Variants in TUBB4A observed in about 807,000 individuals in gnomAD.
The protein encoded by TUBB4A is tubulin beta-4A chain.
In TUBB4A, 13 loss-of-function variants were observed where a neutral mutation model predicts 35.1. The observed-to-expected ratio is 0.37, with a 90% CI of 0.24 to 0.59. TUBB4A has a LOEUF of 0.59. Ranked by LOEUF, TUBB4A falls within the 20% of genes least tolerant of loss-of-function variation. TUBB4A has a pLI of 0.71. For synonymous variants in TUBB4A, 279 were observed against 272.4 expected (o/e 1.02, Z -0.24); for missense variants, 299 against 647.2 (o/e 0.46, Z 5.84).
At position 6,495,549 on chromosome 19, in the gene TUBB4A, A is replaced by C. The variant is rs1191733392; in HGVS notation, c.950T>G (p.Phe317Cys). Residue 317 changes from phenylalanine to cysteine, a missense_variant, in exon 4 of 4, where the codon TTC (phenylalanine) becomes TGC (cysteine). By Grantham distance (205) the Phe-to-Cys change is radical. This residue lies in a region of TUBB4A where 125 missense variants were observed against 279.1 expected (regional missense o/e 0.45). Transcript: ENST00000264071. This position sits in a 1 kb window ranked among gnomAD's most constrained non-coding sequence, Gnocchi z 8.7. ...CTCCTTCATGGACATGCGGCCCCGG[A>C]ACACGGCGGCCACGGTCAGGTAGCG... ...HGRYLTVAAV[F>C]RGRMSMKEVD... is the part of the protein sequence containing the mutation. The C allele has an allele frequency of 1.2e-6, 2 of 1,613,970 alleles. No homozygotes were observed. The highest frequency in any genetic ancestry group is 1.7e-6 in the Non-Finnish European group (2 of 1,179,998).
chr19:6,501,830 G>A lies in TUBB4A; in HGVS notation c.58-207C>T. On this transcript the variant is annotated intron_variant, in intron 1 of 3. Coordinates refer to ENST00000264071, the MANE Select transcript of TUBB4A (RefSeq NM_006087.4). The surrounding 1 kb of genome is among the most constrained non-coding windows in gnomAD (Gnocchi z 4.2). ...TGCAGCCGAGTCAGCACCCAGCGGGGCCGGCTGGTGCCAGCGCACCCAGGC... is the reference window on the plus strand; with the variant it reads ...TGCAGCCGAGTCAGCACCCAGCGGGACCGGCTGGTGCCAGCGCACCCAGGC... 1 of 592,202 alleles carries A rather than the reference G, an allele frequency of 1.7e-6. No homozygotes were observed. The highest frequency in any genetic ancestry group is 3.0e-6 in the Non-Finnish European group (1 of 336,438). 36.7% of individuals were successfully genotyped at this position (592,202 alleles called of 1,614,324 possible).
Position 6,496,160 on chromosome 19 carries a change from C to T in TUBB4A, c.339G>A (p.Val113=), listed in dbSNP as rs1933500546. Residue 113 remains valine, a synonymous_variant, in exon 4 of 4, where the codon GTG becomes GTA. Coordinates refer to ENST00000264071, the MANE Select transcript of TUBB4A (RefSeq NM_006087.4). ...KGHYTEGAEL[V]DAVLDVVRKE... is the part of the protein sequence containing the mutation. ...TCCGGACTACGTCCAGGACAGCGTCCACCAGCTCTGCGCCCTCCGTGTAGT... is the reference window on the plus strand; with the variant it reads ...TCCGGACTACGTCCAGGACAGCGTCTACCAGCTCTGCGCCCTCCGTGTAGT... 1 of 1,614,154 alleles carries T rather than the reference C, an allele frequency of 6.2e-7. No individual in the cohort carries two copies. Among genetic ancestry groups the T allele is most frequent in the South Asian group, 1.1e-5 (1 of 91,076 alleles).
chr19:6,498,289 A>G (rs1914362326), intron 3 of TUBB4A, among the ~76,000 whole-genome samples: 2 of 151,724 alleles, frequency 1.3e-5, no homozygotes, highest in South Asian at 4.2e-4. Flanking sequence ...TTCACCCCTC[A>G]TCTGTCTCCA....
Position 6,495,244 on chromosome 19 carries a change from C to A in TUBB4A, c.1255G>T (p.Val419Leu), listed in dbSNP as rs755172417. 5 of 1,613,898 alleles carry A rather than the reference C, an allele frequency of 3.1e-6. No individual in the cohort carries two copies. Among genetic ancestry groups the A allele is most frequent in the Non-Finnish European group, 4.2e-6 (5 of 1,179,878 alleles). ...TEAESNMNDL[V>L]SEYQQYQDAT... ...TCCTGGTACTGCTGGTACTCAGATA[C>A]CAGGTCATTCATGTTGCTCTCGGCC... Residue 419 changes from valine to leucine, a missense_variant, in exon 4 of 4, where the codon GTA becomes TTA. By Grantham distance (32) the Val-to-Leu change is conservative. Around this residue, in one of 5 missense-constraint regions of TUBB4A, gnomAD observed 125 missense variants for 279.1 expected, o/e 0.45. Coordinates refer to ENST00000264071, the MANE Select transcript of TUBB4A (RefSeq NM_006087.4). This position sits in a 1 kb window ranked among gnomAD's most constrained non-coding sequence, Gnocchi z 8.7.
chr19:6,496,432 A>G, intron 3 of TUBB4A: 1 of 511,398 alleles, frequency 2.0e-6, no homozygotes, highest in Non-Finnish European at 3.5e-6. Flanking sequence ...GATCGAGACC[A>G]TCCTGGCTAA....
rs1468988974 is a variant in TUBB4A, at chr19:6,501,278, G to T, written c.277+9C>A. 6.2e-7 allele frequency: 1 copy of T among 1,611,904 alleles called. No individual in the cohort carries two copies. The highest frequency in any genetic ancestry group is 8.5e-7 in the Non-Finnish European group (1 of 1,178,464). On this transcript the variant is annotated intron_variant, in intron 3 of 3. Coordinates refer to ENST00000264071, the MANE Select transcript of TUBB4A (RefSeq NM_006087.4). The surrounding 1 kb of genome is among the most constrained non-coding windows in gnomAD (Gnocchi z 4.2). ...TTTCCAGCCTCTGGCTCCCTGCTGG[G>T]GGACTCACCAAACACGAAGTTGTCC...
chr19:6,497,898 C>CAAAA (rs1179837262), intron 3 of TUBB4A, among the ~76,000 whole-genome samples: 36 of 42,074 alleles, frequency 8.6e-4, no homozygotes, highest in Middle Eastern at 0.029. Flanking sequence ...GACTCCGTCT[C>CAAAA]AAAAAAAAAA....
intron 1 of TUBB4A, 126 bp downstream of exon 1, chr19:6,502,030 G>A: frequency 3.7e-6 from 4 of 1,074,922 alleles, no homozygotes; most frequent in Non-Finnish European, 5.1e-6. Context: ...GGCCCCTGGG[G>A]CGCGCTGGCC....
chr19:6,498,127 C>T (rs1331659103), intron 3 of TUBB4A, among the ~76,000 whole-genome samples: 14 of 148,916 alleles, frequency 9.4e-5, no homozygotes, highest in South Asian at 2.1e-4. Context: ...AGGAGAATGG[C>T]GTGAACCCAG....
chr19:6,497,061 A>ATATATG (rs1256606284), intron 3 of TUBB4A, among the ~76,000 whole-genome samples: 2 of 100,182 alleles, frequency 2.0e-5, no homozygotes, highest in South Asian at 4.0e-4. Context: ...ATATATATAT[A>ATATATG]TATAAATTAG....
chr19:6,496,169 T>G lies in TUBB4A; in HGVS notation c.330A>C (p.Ala110=). 6.2e-7 allele frequency: 1 copy of G among 1,614,128 alleles called. No individual in the cohort carries two copies. Among genetic ancestry groups the G allele is most frequent in the Non-Finnish European group, 8.5e-7 (1 of 1,180,020 alleles). Residue 110 remains alanine (A), a synonymous_variant, in exon 4 of 4, where the codon GCA becomes GCC. Coordinates refer to ENST00000264071, the MANE Select transcript of TUBB4A (RefSeq NM_006087.4). ...NWAKGHYTEG[A]ELVDAVLDVV... is the part of the protein sequence containing the mutation. Reference sequence around the variant, plus strand: ...CGTCCAGGACAGCGTCCACCAGCTCTGCGCCCTCCGTGTAGTGCCCCTTTG... The same window carrying G: ...CGTCCAGGACAGCGTCCACCAGCTCGGCGCCCTCCGTGTAGTGCCCCTTTG...
chr19:6,495,590 G>A lies in TUBB4A; in HGVS notation c.909C>T (p.Cys303=), dbSNP rs1282533762. 32 of 1,613,822 alleles carry A rather than the reference G, an allele frequency of 2.0e-5. No individual in the cohort carries two copies. The highest frequency in any genetic ancestry group is 3.3e-5 in the South Asian group (3 of 91,074). Residue 303 remains cysteine, a synonymous_variant, in exon 4 of 4, where the codon TGC becomes TGT. Transcript: ENST00000264071. This position sits in a 1 kb window ranked among gnomAD's most constrained non-coding sequence, Gnocchi z 8.7. ...MFDAKNMMAA[C]DPRHGRYLTV... is the part of the protein sequence containing the mutation. Reference sequence around the variant, plus strand: ...TCAGGTAGCGGCCGTGGCGCGGGTCGCACGCCGCCATCATGTTCTTGGCAT... The same window carrying A: ...TCAGGTAGCGGCCGTGGCGCGGGTCACACGCCGCCATCATGTTCTTGGCAT...
rs1270213992 is a variant in TUBB4A at position 6,501,611 on chromosome 19, T to C, written c.70A>G (p.Ile24Val). 6.2e-7 allele frequency: 1 copy of C among 1,613,860 alleles called. No homozygotes were observed. Among genetic ancestry groups the C allele is most frequent in the Non-Finnish European group, 8.5e-7 (1 of 1,179,852 alleles). ...NQIGAKFWEV[I>V]SDEHGIDPTG... Reference sequence around the variant, plus strand: ...GGGTCGATGCCATGTTCGTCACTGATAACCTCCCAAAACTAGAGAGAGAGG... The same window carrying C: ...GGGTCGATGCCATGTTCGTCACTGACAACCTCCCAAAACTAGAGAGAGAGG... The change falls in exon 2 of 4, where the codon ATC (isoleucine) becomes GTC (valine). Residue 24 changes from isoleucine (I) to valine (V), a missense_variant. Around this residue, in one of 5 missense-constraint regions of TUBB4A, gnomAD observed 123 missense variants for 226.0 expected, o/e 0.54. Transcript: ENST00000264071. This position sits in a 1 kb window ranked among gnomAD's most constrained non-coding sequence, Gnocchi z 4.2.
rs1020715910 is a variant in TUBB4A, at chr19:6,502,162, C to T, written c.51G>A (p.Gly17=). Residue 17 remains glycine (G), a synonymous_variant, in exon 1 of 4, where the codon GGG becomes GGA. Transcript: ENST00000264071. ...GGCCCCGTTCCCCGAGCACCTTGGC[C>T]CCGATCTGGTTGCCGCACTGGCCGG... is the stretch of plus-strand genomic sequence containing the variant. The part of the protein sequence containing the change: ...LQAGQCGNQI[G]AKFWEVISDE... The T allele has an allele frequency of 6.3e-7, 1 of 1,576,570 alleles. No individual in the cohort carries two copies. The highest frequency in any genetic ancestry group is 8.6e-7 in the Non-Finnish European group (1 of 1,169,364).
intron 3 of TUBB4A, chr19:6,500,525 T>A (rs1914481481): frequency 6.6e-6 from 1 of 151,956 alleles, no homozygotes; most frequent in Non-Finnish European, 1.5e-5. Flanking sequence ...ATCGTTTGAG[T>A]CCCGGAGTTT....
Position 6,501,855 on chromosome 19 carries a change from C to A in TUBB4A, c.58-232G>T. 1.7e-6 allele frequency: 1 copy of A among 590,282 alleles called. No homozygotes were observed. Among genetic ancestry groups the A allele is most frequent in the Non-Finnish European group, 3.0e-6 (1 of 334,494 alleles). The allele number at this position is 590,282 out of a possible 1,614,324, so 36.6% of individuals were successfully genotyped here. The stretch of plus-strand genomic sequence containing the variant: ...GCCGGCTGGTGCCAGCGCACCCAGG[C>A]TGCAGCCCGGGGGAGGCACCGGGGC... On this transcript the variant is annotated intron_variant, in intron 1 of 3. Coordinates refer to ENST00000264071, the MANE Select transcript of TUBB4A (RefSeq NM_006087.4). The surrounding 1 kb of genome is among the most constrained non-coding windows in gnomAD (Gnocchi z 4.2).
intron 3 of TUBB4A, chr19:6,500,527 C>T (rs1914481781): frequency 6.6e-6 from 1 of 152,016 alleles, no homozygotes; most frequent in Non-Finnish European, 1.5e-5. Context: ...CGTTTGAGTC[C>T]CGGAGTTTGA....
upstream of TUBB4A, chr19:6,502,439 G>A (rs1480621176): frequency 1.6e-5 from 8 of 510,938 alleles, no homozygotes; most frequent in Non-Finnish European, 2.0e-5. Context: ...AGGTGGTGCA[G>A]GGACCTCCCT....
Position 6,495,263 on chromosome 19 carries a change from C to T in TUBB4A, c.1236G>A (p.Glu412=), listed in dbSNP as rs1599405514. 5 of 1,613,842 alleles carry T rather than the reference C, an allele frequency of 3.1e-6. No homozygotes were observed. Among genetic ancestry groups the T allele is most frequent in the Non-Finnish European group, 4.2e-6 (5 of 1,179,880 alleles). ...GMDEMEFTEA[E]SNMNDLVSEY... is the part of the protein sequence containing the mutation. Reference sequence around the variant, plus strand: ...CAGATACCAGGTCATTCATGTTGCTCTCGGCCTCGGTGAACTCCATCTCGT... The same window carrying T: ...CAGATACCAGGTCATTCATGTTGCTTTCGGCCTCGGTGAACTCCATCTCGT... The change falls in exon 4 of 4, where the codon GAG becomes GAA. Residue 412 remains glutamate, a synonymous_variant. Coordinates refer to ENST00000264071, the MANE Select transcript of TUBB4A (RefSeq NM_006087.4). This position sits in a 1 kb window ranked among gnomAD's most constrained non-coding sequence, Gnocchi z 8.7.
Sources: gnomAD v4.1 joint callset for allele counts (sites outside exome capture counted in the v4.1 genomes callset) on GRCh38, gnomAD v4.1.1 for gene constraint, gnomAD v4.1.1 regional missense constraint, Gnocchi (gnomAD v3.1) non-coding constraint, MANE v1.5 for transcripts, NCBI Gene and HGNC (gene_info 2026-07-23, HGNC 2026-07-21) for gene names.